The following GAA variants were observed in gnomAD, a reference collection of about 807,000 sequenced individuals.
GAA encodes alpha glucosidase.
In GAA, 88 loss-of-function variants were observed where a neutral mutation model predicts 103.9. The ratio of observed to expected loss-of-function variants is 0.85; its 90% CI spans 0.71 to 1.01. The LOEUF is 1.01. Ranked by LOEUF, GAA falls within the 50% of genes least tolerant of loss-of-function variation. GAA has a pLI of 0.00. For missense variants in GAA, 1,350 were observed against 1,305.3 expected, an observed-to-expected ratio of 1.03 and a Z score of -0.53; for synonymous variants, 572 against 563.1, an observed-to-expected ratio of 1.02 and a Z score of -0.22.
Position 80,118,291 on chromosome 17 carries a change from C to A in GAA, c.2580C>A (p.Asp860Glu). 1 of 1,598,350 alleles carries A rather than the reference C, an allele frequency of 6.3e-7. No homozygotes were observed. The change falls in exon 18 of 20, where the codon GAC (aspartate) becomes GAA (glutamate). Residue 860 changes from aspartate to glutamate, a missense_variant. Asp to Glu is a conservative substitution (Grantham distance 45). Transcript: ENST00000302262. ...AGGCCCGAGGGGAGCTGTTCTGGGA[C>A]GATGGAGAGAGCCTGGAAGTGCTGG... ...GGEARGELFW[D>E]DGESLEVLER...
rs1314883749 is a variant in GAA, at chr17:80,109,940, C to A, written c.1327-5C>A. The A allele has an allele frequency of 1.9e-6, 3 of 1,612,226 alleles. No homozygotes were observed. On this transcript the variant is annotated splice_polypyrimidine_tract_variant and splice_region_variant and intron_variant, in intron 8 of 19. Transcript: ENST00000302262. Reference sequence around the variant, plus strand: ...CCTCACCTTGACAGGTTTCCCTCTTCCCAGGATCCTGCCATCAGCAGCTCG... The same window carrying A: ...CCTCACCTTGACAGGTTTCCCTCTTACCAGGATCCTGCCATCAGCAGCTCG...
chr17:80,108,507 C>T lies in GAA; in HGVS notation c.1094C>T (p.Pro365Leu). Residue 365 changes from proline to leucine, a missense_variant, in exon 7 of 20, where the codon CCA becomes CTA. Transcript: ENST00000302262. ...LDVVGYPFMPPYWGLGFHLCR... is the reference protein window; with the variant it reads ...LDVVGYPFMPLYWGLGFHLCR... ...CCTGCAGGATACCCGTTCATGCCGC[C>T]ATACTGGGGCCTGGGCTTCCACCTG... 6.2e-7 allele frequency: 1 copy of T among 1,613,162 alleles called. No individual in the cohort carries two copies. The highest frequency in any genetic ancestry group is 8.5e-7 in the Non-Finnish European group (1 of 1,179,990).
intron 13 of GAA, 51 bp downstream of exon 13, chr17:80,112,762 T>A (rs1281207678): frequency 6.3e-7 from 1 of 1,585,018 alleles, no homozygotes; most frequent in African/African-American, 1.3e-5. Context: ...CGGGGGCCTC[T>A]ATGGGAGGCT....
At position 80,108,500 on chromosome 17, in the gene GAA, A is replaced by T. The variant is rs2039148780; in HGVS notation, c.1087A>T (p.Met363Leu). The change falls in exon 7 of 20, where the codon ATG becomes TTG. Residue 363 changes from methionine to leucine, a missense_variant. By Grantham distance (15) the Met-to-Leu change is conservative. Transcript: ENST00000302262. ...QYLDVVGYPF[M>L]PPYWGLGFHL... ...GCGTTGGCCTGCAGGATACCCGTTC[A>T]TGCCGCCATACTGGGGCCTGGGCTT... 6.2e-7 allele frequency: 1 copy of T among 1,613,072 alleles called. No homozygotes were observed.
rs374353275 is a variant in GAA at position 80,105,179 on chromosome 17, G to A, written c.546+47G>A. On this transcript the variant is annotated intron_variant, in intron 2 of 19. Transcript: ENST00000302262. ...GCGGCGGCCAGGGCAGAGGGTGCGCGTGGACATCGACACCCACGCACCTCA... is the reference window on the plus strand; with the variant it reads ...GCGGCGGCCAGGGCAGAGGGTGCGCATGGACATCGACACCCACGCACCTCA... The A allele has an allele frequency of 3.3e-5, 51 of 1,543,478 alleles. No homozygotes were observed. The African/African-American group carries it at 4.1e-4, about 12-fold the overall frequency.
chr17:80,117,756 G>C lies in GAA; in HGVS notation c.2481+7G>C. On this transcript the variant is annotated splice_region_variant and intron_variant, in intron 17 of 19. Transcript: ENST00000302262. ...GTACATCATCCCCCTGCAGGTACCTGGGCCAGGCGGCTATGGTGGGGGTGT... is the reference window on the plus strand; with the variant it reads ...GTACATCATCCCCCTGCAGGTACCTCGGCCAGGCGGCTATGGTGGGGGTGT... 6.2e-7 allele frequency: 1 copy of C among 1,604,908 alleles called. No homozygotes were observed. The highest frequency in any genetic ancestry group is 8.5e-7 in the Non-Finnish European group (1 of 1,177,474).
At chr17:80,111,883 A>G in intron 11 of GAA, 100 bp from the exon 12 acceptor site, 1 of 955,440 alleles carries the variant, frequency 1.0e-6, no homozygotes, top group Non-Finnish European at 1.6e-6. Flanking sequence ...CTGAAGAGGC[A>G]GCGACCTGCA....
At chr17:80,117,532 G>C in intron 16 of GAA, 68 bp from the exon 17 acceptor site, 1 of 1,575,554 alleles carries the variant, frequency 6.3e-7, no homozygotes, top group Non-Finnish European at 8.7e-7. Flanking sequence ...GATGGAGAGC[G>C]TGGTTCCTGA....
intron 11 of GAA, chr17:80,111,682 TA>T: frequency 2.2e-6 from 1 of 458,206 alleles, no homozygotes; most frequent in Admixed American, 3.4e-5. Context: ...TGGGCTTAGG[TA>T]AACAGGCAGG....
At position 80,119,275 on chromosome 17, in the gene GAA, C is replaced by G. The variant is rs746826091; in HGVS notation, c.2803C>G (p.Leu935Val). Residue 935 changes from leucine to valine, a missense_variant, in exon 20 of 20, where the codon CTG becomes GTG. Transcript: ENST00000302262. ...NFTYSPDTKV[L>V]DICVSLLMGE... ...ATTTGTGCTCTCTCTTTTCCAGGTC[C>G]TGGACATCTGTGTCTCGCTGTTGAT... 4 of 1,614,078 alleles carry G rather than the reference C, an allele frequency of 2.5e-6. No individual in the cohort carries two copies. The highest frequency in any genetic ancestry group is 3.4e-6 in the Non-Finnish European group (4 of 1,179,944).
At position 80,105,137 on chromosome 17, in the gene GAA, G is replaced by T. The variant is rs756024023; in HGVS notation, c.546+5G>T. ...GAGAACCGCCTCCACTTCACGGTGGGCAGGGCAGGGGCGGGGGCGGCGGCC... is the reference window on the plus strand; with the variant it reads ...GAGAACCGCCTCCACTTCACGGTGGTCAGGGCAGGGGCGGGGGCGGCGGCC... On this transcript the variant is annotated splice_donor_5th_base_variant and intron_variant, in intron 2 of 19. Transcript: ENST00000302262. 8.1e-6 allele frequency: 13 copies of T among 1,602,382 alleles called. No individual in the cohort carries two copies. In the East Asian group the frequency reaches 2.2e-4, roughly 28 times the overall value.
At chr17:80,114,099 A>G (rs1480672249) in intron 15 of GAA, among the ~76,000 whole-genome samples, 4 of 152,136 alleles carry the variant, frequency 2.6e-5, no homozygotes, top group Non-Finnish European at 4.4e-5. Context: ...GAAAAAAAAA[A>G]AAAAAAGGTG....
chr17:80,105,992 A>G, intron 3 of GAA, 98 bp downstream of exon 3: 2 of 1,450,938 alleles, frequency 1.4e-6, no homozygotes, highest in East Asian at 4.6e-5. Flanking sequence ...CACGATGGGC[A>G]GGGCGACACA....
chr17:80,118,448 G>A, intron 18 of GAA, 91 bp downstream of exon 18: 1 of 1,498,382 alleles, frequency 6.7e-7, no homozygotes, highest in South Asian at 1.2e-5. Context: ...TCCCACGATG[G>A]CTACCTGCCA....
chr17:80,115,303 G>A (rs1304840861), intron 15 of GAA, among the ~76,000 whole-genome samples: 1 of 152,082 alleles, frequency 6.6e-6, no homozygotes, highest in Non-Finnish European at 1.5e-5. Context: ...TAGTCTGACT[G>A]CCCTGTCTTC....
intron 12 of GAA, 86 bp downstream of exon 12, chr17:80,112,186 G>T: frequency 1.5e-6 from 2 of 1,366,250 alleles, no homozygotes; most frequent in South Asian, 2.3e-5. Flanking sequence ...CAGGGAGGAG[G>T]AAAAGCGGAG....
At position 80,117,747 on chromosome 17, in the gene GAA, C is replaced by A; in HGVS notation, c.2479C>A (p.Gln827Lys). Residue 827 changes from glutamine (Q) to lysine (K), a missense_variant and splice_region_variant, in exon 17 of 20, where the codon CAG becomes AAG. Coordinates refer to ENST00000302262, the MANE Select transcript of GAA (RefSeq NM_000152.5). ...CCGGGCTGGGTACATCATCCCCCTGCAGGTACCTGGGCCAGGCGGCTATGG... is the reference window on the plus strand; with the variant it reads ...CCGGGCTGGGTACATCATCCCCCTGAAGGTACCTGGGCCAGGCGGCTATGG... ...HLRAGYIIPL[Q>K]GPGLTTTESR... The A allele has an allele frequency of 6.2e-7, 1 of 1,608,306 alleles. No homozygotes were observed. The highest frequency in any genetic ancestry group is 8.5e-7 in the Non-Finnish European group (1 of 1,178,526).
At position 80,111,429 on chromosome 17, in the gene GAA, A is replaced by G. The variant is rs4889818; in HGVS notation, c.1636+404A>G. Among the ~76,000 whole-genome samples the G allele has an allele frequency of 0.73, 111,208 of 152,138 alleles. 40,902 individuals are homozygous for G. Among genetic ancestry groups the G allele is most frequent in the Middle Eastern group, 0.85 (251 of 294 alleles). On this transcript the variant is annotated intron_variant, in intron 11 of 19. Coordinates refer to ENST00000302262, the MANE Select transcript of GAA (RefSeq NM_000152.5). ...GGCTCAGAGGCAGGAATTACCAAGA[A>G]GAAGCATGGGGGTCAGGGGGATTCT...
rs200505871 is a variant in GAA, at chr17:80,117,649, G to T, written c.2381G>T (p.Arg794Leu). 1.2e-6 allele frequency: 2 copies of T among 1,612,702 alleles called. No homozygotes were observed. Among genetic ancestry groups the T allele is most frequent in the Non-Finnish European group, 8.5e-7 (1 of 1,179,976 alleles). The change falls in exon 17 of 20, where the codon CGT (arginine) becomes CTT (leucine). Residue 794 changes from arginine (R) to leucine (L), a missense_variant. Coordinates refer to ENST00000302262, the MANE Select transcript of GAA (RefSeq NM_000152.5). ...GSLPPPPAAP[R>L]EPAIHSEGQW... The stretch of plus-strand genomic sequence containing the variant: ...CTCCCACCCCCACCTGCAGCTCCCC[G>T]TGAGCCAGCCATCCACAGCGAGGGG...
Sources: allele counts gnomAD v4.1 joint callset (sites outside exome capture counted in the v4.1 genomes callset), GRCh38; gene constraint gnomAD v4.1.1; transcripts MANE v1.5; gene names NCBI Gene and HGNC (gene_info 2026-07-23, HGNC 2026-07-21).